Variants in CFAP54 observed in about 807,000 individuals in gnomAD.
CFAP54 encodes the protein cilia and flagella associated protein 54, also known as cilia- and flagella-associated protein 54.
CFAP54 carries 290 observed loss-of-function variants against 370.4 expected under a neutral mutation model. The ratio of observed to expected loss-of-function variants is 0.78; its 90% CI spans 0.71 to 0.86. The LOEUF (loss-of-function observed/expected upper bound fraction) is 0.86. Among genes scored for constraint, CFAP54 ranks in the 40% least tolerant of loss-of-function variants. The pLI is 0.00. For synonymous variants in CFAP54, 1,206 were observed against 1,236.5 expected (o/e 0.98, Z 0.52); for missense variants, 3,399 against 3,528.7 (o/e 0.96, Z 0.93).
intron 1 of CFAP54, among the ~76,000 whole-genome samples, chr12:96,499,971 A>AC (rs1955007086): frequency 6.6e-6 from 1 of 151,518 alleles, no homozygotes; most frequent in African/African-American, 2.4e-5. Flanking sequence ...ACAAAACAAA[A>AC]CAAAACAAAA....
At chr12:96,763,637 G>T (rs950522936) in intron 58 of CFAP54, among the ~76,000 whole-genome samples, 1 of 152,066 alleles carries the variant, frequency 6.6e-6, no homozygotes, top group Non-Finnish European at 1.5e-5. Context: ...AAACTAGCTG[G>T]GTGTGGTGGT....
chr12:96,678,233 A>T (rs975576649), intron 39 of CFAP54, among the ~76,000 whole-genome samples: 1 of 152,052 alleles, frequency 6.6e-6, no homozygotes, highest in Admixed American at 6.6e-5. Flanking sequence ...AGAAGTGGTT[A>T]ACTTCTATAC....
At position 96,860,839 on chromosome 12, in the gene CFAP54, G is replaced by A; in HGVS notation, c.9192G>A (p.Leu3064=). ...PLSEVPFDIS[L]PSIFNLERLF... is the part of the protein sequence containing the mutation. ...CTCAGGTCCCATTTGATATCTCACT[G>A]CCGTCTATATTCAATCTTGAGAGAC... is the stretch of plus-strand genomic sequence containing the variant. Residue 3064 remains leucine (L), a synonymous_variant, in exon 67 of 68, where the codon CTG becomes CTA. Transcript: ENST00000524981. 6.5e-7 allele frequency: 1 copy of A among 1,532,206 alleles called. No homozygotes were observed. The highest frequency in any genetic ancestry group is 8.7e-7 in the Non-Finnish European group (1 of 1,145,156). The allele number at this position is 1,532,206 out of a possible 1,614,324, so 94.9% of individuals were successfully genotyped here. A position where few individuals can be genotyped will look rare whatever the true frequency, so the allele number is the denominator to read the frequency against.
chr12:96,558,838 A>AC (rs1292004263), intron 17 of CFAP54, among the ~76,000 whole-genome samples: 1 of 152,192 alleles, frequency 6.6e-6, no homozygotes, highest in Admixed American at 6.5e-5. Flanking sequence ...CTTGAGCAAT[A>AC]CCCCTTAAGA....
intron 67 of CFAP54, among the ~76,000 whole-genome samples, chr12:96,871,625 C>T (rs1960169709): frequency 6.6e-6 from 1 of 151,874 alleles, no homozygotes; most frequent in Non-Finnish European, 1.5e-5. Flanking sequence ...TTTAAAATAA[C>T]TATAATATAC....
At chr12:96,804,337 A>G (rs1958854578) in intron 63 of CFAP54, among the ~76,000 whole-genome samples, 1 of 152,186 alleles carries the variant, frequency 6.6e-6, no homozygotes, top group Non-Finnish European at 1.5e-5. Context: ...TTGGAAAACA[A>G]GAAGTCAAAT....
intron 67 of CFAP54, among the ~76,000 whole-genome samples, chr12:96,870,348 C>T (rs1043011737): frequency 1.3e-5 from 2 of 152,134 alleles, no homozygotes; most frequent in African/African-American, 4.8e-5. Flanking sequence ...GCTTAAGTCT[C>T]CTCTAAGTTG....
chr12:96,782,299 A>G (rs34464), intron 60 of CFAP54, among the ~76,000 whole-genome samples: 22,407 of 152,048 alleles, frequency 0.15, 2,008 homozygotes, highest in Middle Eastern at 0.26. Context: ...TTGATTCACA[A>G]TTGTTCTGGA....
intron 67 of CFAP54, among the ~76,000 whole-genome samples, chr12:96,867,193 C>CTCATTCAT (rs1320672572): frequency 6.6e-6 from 1 of 152,116 alleles, no homozygotes; most frequent in Non-Finnish European, 1.5e-5. Flanking sequence ...ACAAACTGAG[C>CTCATTCAT]TCATTCATTC....
At chr12:96,733,146 C>T (rs879144019) in intron 50 of CFAP54, among the ~76,000 whole-genome samples, 4 of 152,176 alleles carry the variant, frequency 2.6e-5, no homozygotes, top group Admixed American at 2.0e-4. Context: ...ATACACGAAC[C>T]TGGCCCTTGG....
chr12:96,767,416 A>T (rs1168077827), intron 60 of CFAP54, among the ~76,000 whole-genome samples: 1 of 152,184 alleles, frequency 6.6e-6, no homozygotes, highest in Non-Finnish European at 1.5e-5. Context: ...TTAATACTAG[A>T]ACCTAAGCTT....
At chr12:96,717,126 T>TA (rs1479037189) in intron 48 of CFAP54, among the ~76,000 whole-genome samples, 1 of 152,262 alleles carries the variant, frequency 6.6e-6, no homozygotes, top group East Asian at 1.9e-4. Context: ...ATGTTAATTT[T>TA]ATCACACATG....
intron 65 of CFAP54, among the ~76,000 whole-genome samples, chr12:96,826,653 ATATAT>A (rs544342297): frequency 4.6e-5 from 5 of 107,880 alleles, no homozygotes; most frequent in Admixed American, 1.3e-4. Flanking sequence ...TATATATTAA[ATATAT>A]TATATATAAA....
chr12:96,499,717 G>A (rs747982494), intron 1 of CFAP54, among the ~76,000 whole-genome samples: 2 of 152,106 alleles, frequency 1.3e-5, no homozygotes, highest in African/African-American at 4.8e-5. Flanking sequence ...TGGCCTAGGC[G>A]GGTGGATTAC....
At chr12:96,804,638 A>G (rs1958858444) in intron 63 of CFAP54, among the ~76,000 whole-genome samples, 1 of 151,938 alleles carries the variant, frequency 6.6e-6, no homozygotes, top group Non-Finnish European at 1.5e-5. Context: ...ATGGAAAAAC[A>G]TTCCATCTTC....
In CFAP54 at chr12:96,630,664, T is replaced by A; in HGVS notation, c.4316+13T>A. The A allele has an allele frequency of 7.0e-7, 1 of 1,422,676 alleles. No individual in the cohort carries two copies. The highest frequency in any genetic ancestry group is 9.3e-7 in the Non-Finnish European group (1 of 1,076,132). The allele number at this position is 1,422,676 out of a possible 1,614,324, so 88.1% of individuals were successfully genotyped here. ...TGGCACATGAAAGGTATTCACTAAT[T>A]AATTAATTCAATAAAAGTTTACTTG... On this transcript the variant is annotated intron_variant, in intron 32 of 67. Transcript: ENST00000524981.
chr12:96,588,574 T>C (rs1385644843), intron 22 of CFAP54, among the ~76,000 whole-genome samples: 2 of 152,168 alleles, frequency 1.3e-5, no homozygotes, highest in Non-Finnish European at 1.5e-5. Context: ...CATTGGCAGA[T>C]TCGAGAGTTC....
intron 25 of CFAP54, among the ~76,000 whole-genome samples, chr12:96,595,966 G>A (rs1242150263): frequency 6.6e-6 from 1 of 152,048 alleles, no homozygotes; most frequent in African/African-American, 2.4e-5. Context: ...CACATTTCTT[G>A]ATCATTAAGT....
At position 96,781,246 on chromosome 12, in the gene CFAP54, C is replaced by G. The variant is rs573641748; in HGVS notation, c.8282-3471C>G. ...GGTAAAAAGTGCAAATATTACTTCT[C>G]TCAACAAGGAAGAAAAGACATTCAG... is the stretch of plus-strand genomic sequence containing the variant. On this transcript the variant is annotated intron_variant, in intron 60 of 67. Transcript: ENST00000524981. Among the ~76,000 whole-genome samples, 27 of 152,216 alleles carry G rather than the reference C, an allele frequency of 1.8e-4. No individual in the cohort carries two copies. In the South Asian group the frequency reaches 5.6e-3, roughly 32 times the overall value.
Sources: gnomAD v4.1 joint callset for allele counts (sites outside exome capture counted in the v4.1 genomes callset) on GRCh38, gnomAD v4.1.1 for gene constraint, MANE v1.5 for transcripts, NCBI Gene and HGNC (gene_info 2026-07-23, HGNC 2026-07-21) for gene names.